The following ARHGAP15 variants were observed in gnomAD, a reference collection of about 807,000 sequenced individuals.
ARHGAP15 encodes the protein rho GTPase-activating protein 15.
Under a neutral mutation model 63.7 loss-of-function variants are expected in ARHGAP15, and 51 were observed. The observed-to-expected ratio is 0.80, with a 90% CI of 0.64 to 1.01. The LOEUF (loss-of-function observed/expected upper bound fraction) is 1.01, where lower values mean the gene tolerates loss of function less well. Ranked by LOEUF, ARHGAP15 falls within the 50% of genes least tolerant of loss-of-function variation. ARHGAP15 has a pLI of 0.00. For synonymous variants in ARHGAP15, 191 were observed against 193.8 expected (o/e 0.99, Z 0.12); for missense variants, 560 against 564.6 (o/e 0.99, Z 0.08).
At chr2:143,647,524 AAATT>A (rs1364737291) in intron 12 of ARHGAP15, among the ~76,000 whole-genome samples, 1 of 151,996 alleles carries the variant, frequency 6.6e-6, no homozygotes, top group Non-Finnish European at 1.5e-5. Flanking sequence ...CAATTTCAAC[AAATT>A]ATTATAGTTA....
intron 6 of ARHGAP15, among the ~76,000 whole-genome samples, chr2:143,263,763 T>C (rs1241068213): frequency 1.3e-5 from 2 of 152,106 alleles, no homozygotes; most frequent in Non-Finnish European, 2.9e-5. Context: ...AAAAGTCACC[T>C]TCCATTGCCT....
At chr2:143,385,882 GAC>G (rs1462604468) in intron 6 of ARHGAP15, among the ~76,000 whole-genome samples, 8 of 152,108 alleles carry the variant, frequency 5.3e-5, no homozygotes, top group African/African-American at 1.9e-4. Context: ...AACCAGAAGA[GAC>G]AGAACTATAA....
rs1374682239 is a variant in ARHGAP15, at chr2:143,228,679, C to A, written c.384+11C>A. On this transcript the variant is annotated intron_variant, in intron 5 of 13. Coordinates refer to ENST00000295095, the MANE Select transcript of ARHGAP15 (RefSeq NM_018460.4). ...GCTCTGTCCAATATGGTAAGTAATT[C>A]TCTGTTTCTATTGTTAAATATCTTT... 1 of 1,513,324 alleles carries A rather than the reference C, an allele frequency of 6.6e-7. No homozygotes were observed. Among genetic ancestry groups the A allele is most frequent in the Non-Finnish European group, 8.9e-7 (1 of 1,123,324 alleles). The allele number at this position is 1,513,324 out of a possible 1,614,324, so 93.7% of individuals were successfully genotyped here. A position where few individuals can be genotyped will look rare whatever the true frequency, so the allele number is the denominator to read the frequency against.
rs2072985461 is a variant in ARHGAP15 at position 143,768,258 on chromosome 2, T to G, written c.*86T>G. The G allele has an allele frequency of 7.1e-7, 1 of 1,407,580 alleles. No individual in the cohort carries two copies. The highest frequency in any genetic ancestry group is 1.5e-5 in the African/African-American group (1 of 68,906). 87.2% of individuals were successfully genotyped at this position (1,407,580 alleles called of 1,614,324 possible). On this transcript the variant is annotated 3_prime_UTR_variant, in exon 14 of 14. Coordinates refer to ENST00000295095, the MANE Select transcript of ARHGAP15 (RefSeq NM_018460.4). ...TCTGTAAACATATTTCTGAAATATT[T>G]TTTGCCTTTCAAGCGACAGATGCCT... is the stretch of plus-strand genomic sequence containing the variant.
intron 9 of ARHGAP15, among the ~76,000 whole-genome samples, chr2:143,516,630 A>G (rs1269800232): frequency 6.6e-6 from 1 of 152,206 alleles, no homozygotes; most frequent in Admixed American, 6.5e-5. Flanking sequence ...TATTTGTGAA[A>G]TTGATTTGAG....
At chr2:143,335,640 G>A (rs145624584) in intron 6 of ARHGAP15, among the ~76,000 whole-genome samples, 135 of 152,306 alleles carry the variant, frequency 8.9e-4, no homozygotes, top group African/African-American at 3.2e-3. Context: ...ACCCAGGAAG[G>A]AAGGGCATGA....
At chr2:143,322,019 AGAT>A (rs1684046464) in intron 6 of ARHGAP15, among the ~76,000 whole-genome samples, 1 of 152,194 alleles carries the variant, frequency 6.6e-6, no homozygotes, top group African/African-American at 2.4e-5. Flanking sequence ...CACTCTATCT[AGAT>A]GATTACTTCT....
rs573190500 is a variant in ARHGAP15, at chr2:143,198,725, T to G, written c.166-3409T>G. 8.5e-5 allele frequency among the ~76,000 whole-genome samples: 13 copies of G among 152,218 alleles called. No homozygotes were observed. The South Asian group carries it at 2.3e-3, about 27-fold the overall frequency. On this transcript the variant is annotated intron_variant, in intron 2 of 13. Coordinates refer to ENST00000295095, the MANE Select transcript of ARHGAP15 (RefSeq NM_018460.4). ...CTGTATGCCCATAAGAATTTAGTAG[T>G]GGTCAGATGAAAGAGGGCATGGAGC...
At chr2:143,707,051 T>C (rs755042914) in intron 13 of ARHGAP15, among the ~76,000 whole-genome samples, 12 of 152,286 alleles carry the variant, frequency 7.9e-5, no homozygotes, top group Non-Finnish European at 1.3e-4. Context: ...TGAGAGCCAG[T>C]AAAGGGGTTA....
chr2:143,141,022 A>G (rs1052452810), intron 1 of ARHGAP15, among the ~76,000 whole-genome samples: 1 of 152,170 alleles, frequency 6.6e-6, no homozygotes, highest in Non-Finnish European at 1.5e-5. Flanking sequence ...ACCAGTCAGC[A>G]TGGCAGATGT....
At chr2:143,257,712 G>C (rs1229628340) in intron 6 of ARHGAP15, among the ~76,000 whole-genome samples, 1 of 152,014 alleles carries the variant, frequency 6.6e-6, no homozygotes, top group African/African-American at 2.4e-5. Context: ...CACTTTCTCT[G>C]TTTTCCCATA....
chr2:143,335,701 A>C (rs2105271514), intron 6 of ARHGAP15, among the ~76,000 whole-genome samples: 1 of 152,338 alleles, frequency 6.6e-6, no homozygotes, highest in East Asian at 1.9e-4. Context: ...AAGACAGACA[A>C]AAAAGCAAGT....
chr2:143,384,834 G>T (rs7565090), intron 6 of ARHGAP15, among the ~76,000 whole-genome samples: 20,545 of 152,042 alleles, frequency 0.14, 2,352 homozygotes, highest in East Asian at 0.44. Flanking sequence ...CCTGTCCGGG[G>T]ATACCTTACC....
chr2:143,192,245 T>C (rs1015095450), intron 2 of ARHGAP15, among the ~76,000 whole-genome samples: 6 of 152,196 alleles, frequency 3.9e-5, no homozygotes, highest in African/African-American at 1.2e-4. Context: ...CCCTGTTCCT[T>C]TGGAACTTGG....
intron 6 of ARHGAP15, among the ~76,000 whole-genome samples, chr2:143,410,305 T>C (rs1444904219): frequency 1.3e-5 from 2 of 152,160 alleles, no homozygotes; most frequent in African/African-American, 4.8e-5. Context: ...CATCAACTAC[T>C]GATGTGGACA....
chr2:143,171,917 T>C (rs528527795), intron 2 of ARHGAP15: 32 of 152,278 alleles, frequency 2.1e-4, no homozygotes, highest in Admixed American at 3.9e-4. Flanking sequence ...GCTAAACACA[T>C]TATCAAAGAC....
At chr2:143,241,127 A>AT (rs967353926) in intron 5 of ARHGAP15, among the ~76,000 whole-genome samples, 4 of 152,120 alleles carry the variant, frequency 2.6e-5, no homozygotes, top group Non-Finnish European at 5.9e-5. Context: ...CCCACAGTGT[A>AT]TTTTTTAATT....
At chr2:143,418,466 G>A (rs1688778021) in intron 6 of ARHGAP15, among the ~76,000 whole-genome samples, 1 of 152,146 alleles carries the variant, frequency 6.6e-6, no homozygotes, top group African/African-American at 2.4e-5. Flanking sequence ...CTTTTCTGAG[G>A]TGGAAGTCTT....
At chr2:143,218,186 A>G (rs1692832812) in intron 4 of ARHGAP15, among the ~76,000 whole-genome samples, 1 of 150,874 alleles carries the variant, frequency 6.6e-6, no homozygotes, top group African/African-American at 2.4e-5. Flanking sequence ...TAATATAAAC[A>G]TTTGTTTGTA....
Sources: allele counts gnomAD v4.1 joint callset (sites outside exome capture counted in the v4.1 genomes callset), GRCh38; gene constraint gnomAD v4.1.1; transcripts MANE v1.5; gene names NCBI Gene and HGNC (gene_info 2026-07-23, HGNC 2026-07-21).